LAMA3: variants seen among roughly 807,000 people sequenced by gnomAD.
LAMA3 encodes the protein laminin subunit alpha 3, also known as laminin subunit alpha-3.
Under a neutral mutation model 402.0 loss-of-function variants are expected in LAMA3, and 281 were observed. The ratio of observed to expected loss-of-function variants is 0.70; its 90% CI spans 0.63 to 0.77. The LOEUF is 0.77. Ranked by LOEUF, LAMA3 falls within the 30% of genes least tolerant of loss-of-function variation. The probability of loss-of-function intolerance (pLI) is 0.00; values close to 1 mark genes in which losing one functional copy is unlikely to be tolerated. For missense variants in LAMA3, 3,840 were observed against 4,215.5 expected (o/e 0.91, Z 2.47); for synonymous variants, 1,431 against 1,558.4 (o/e 0.92, Z 1.93).
chr18:23,785,494 CAT>C (rs906784209), intron 12 of LAMA3, among the ~76,000 whole-genome samples: 17 of 152,172 alleles, frequency 1.1e-4, no homozygotes, highest in Admixed American at 3.9e-4. Context: ...GTGCCTGTCT[CAT>C]AATTCATTGT....
chr18:23,921,594 A>AT lies in LAMA3; in HGVS notation c.8177+16dup, dbSNP rs1401247264. The AT allele has an allele frequency of 4.3e-6, 7 of 1,613,576 alleles. No individual in the cohort carries two copies. Among genetic ancestry groups the AT allele is most frequent in the Non-Finnish European group, 5.9e-6 (7 of 1,179,834 alleles). On this transcript the variant is annotated intron_variant, in intron 62 of 74. Coordinates refer to ENST00000313654, the MANE Select transcript of LAMA3 (RefSeq NM_198129.4). ...ATTGCAATCAGGGAAAGGTAAGATGATTTTTTTAAAACGAGATTTAAAGCC... is the reference window on the plus strand; with the variant it reads ...ATTGCAATCAGGGAAAGGTAAGATGATTTTTTTTAAAACGAGATTTAAAGCC...
chr18:23,802,607 A>G (rs1358376466), intron 12 of LAMA3, among the ~76,000 whole-genome samples: 1 of 152,222 alleles, frequency 6.6e-6, no homozygotes, highest in African/African-American at 2.4e-5. Flanking sequence ...GAAACCATGT[A>G]GCAGTCTTAA....
Position 23,943,780 on chromosome 18 carries a change from C to T in LAMA3, c.9027-8C>T. ...TCTATTTCCCTTCATCGCCGATGTT[C>T]CCAACAGGTCACAGTTTGCTGTGGA... On this transcript the variant is annotated splice_polypyrimidine_tract_variant and splice_region_variant and intron_variant, in intron 68 of 74. Transcript: ENST00000313654. 1 of 1,613,766 alleles carries T rather than the reference C, an allele frequency of 6.2e-7. No individual in the cohort carries two copies. Among genetic ancestry groups the T allele is most frequent in the South Asian group, 1.1e-5 (1 of 91,072 alleles).
At chr18:23,727,663 A>G (rs2061322847) in intron 2 of LAMA3, among the ~76,000 whole-genome samples, 1 of 152,004 alleles carries the variant, frequency 6.6e-6, no homozygotes, top group Non-Finnish European at 1.5e-5. Context: ...CAGTTCCTGG[A>G]CCAGCACTGG....
At chr18:23,774,179 C>A (rs965264002) in intron 9 of LAMA3, among the ~76,000 whole-genome samples, 1 of 152,132 alleles carries the variant, frequency 6.6e-6, no homozygotes, top group Non-Finnish European at 1.5e-5. Flanking sequence ...GCCAAGATCA[C>A]GCCACTGCAC....
intron 8 of LAMA3, among the ~76,000 whole-genome samples, chr18:23,765,218 C>G (rs1476151278): frequency 6.6e-6 from 1 of 152,122 alleles, no homozygotes. Flanking sequence ...CTCTGAGGAA[C>G]CAGAGAGCAG....
intron 62 of LAMA3, among the ~76,000 whole-genome samples, chr18:23,923,342 G>A (rs1354541299): frequency 2.0e-5 from 3 of 152,192 alleles, no homozygotes; most frequent in African/African-American, 4.8e-5. Context: ...GCTGGAGGCC[G>A]AGTATATTAA....
intron 60 of LAMA3, among the ~76,000 whole-genome samples, chr18:23,919,917 C>T (rs61548268): frequency 0.015 from 2,228 of 152,032 alleles, 52 homozygotes; most frequent in African/African-American, 0.052. Flanking sequence ...GCTGCAGGGA[C>T]TGGCTAAAAA....
chr18:23,739,747 GA>G (rs1224761981), intron 2 of LAMA3, among the ~76,000 whole-genome samples: 1 of 152,178 alleles, frequency 6.6e-6, no homozygotes, highest in Non-Finnish European at 1.5e-5. Flanking sequence ...ACATCATTTA[GA>G]ATCTAATTTA....
chr18:23,861,898 C>G, intron 35 of LAMA3, 91 bp downstream of exon 35: 1 of 1,366,656 alleles, frequency 7.3e-7, no homozygotes, highest in Non-Finnish European at 1.0e-6. Flanking sequence ...AAGGAAGCAT[C>G]CAGCAGTTCA....
At chr18:23,706,916 TA>T (rs1192594731) in intron 1 of LAMA3, among the ~76,000 whole-genome samples, 1 of 152,062 alleles carries the variant, frequency 6.6e-6, no homozygotes, top group Non-Finnish European at 1.5e-5. Context: ...CCGTCTCTAC[TA>T]AAAATACAAA....
chr18:23,816,435 C>A lies in LAMA3; in HGVS notation c.2095C>A (p.Pro699Thr). ...GGCATTGTCCTCCATGTGCAGTGGG[C>A]CCTCGGGAGTGTGCCAGTGCCGAGA... ...GGALSSMCSG[P>T]SGVCQCREHV... Residue 699 changes from proline to threonine, a missense_variant, in exon 18 of 75, where the codon CCC (proline) becomes ACC (threonine). Physicochemically the swap from Pro to Thr is conservative, Grantham distance 38 (BLOSUM62 -1). Transcript: ENST00000313654. 6.2e-7 allele frequency: 1 copy of A among 1,614,042 alleles called. No individual in the cohort carries two copies. The highest frequency in any genetic ancestry group is 8.5e-7 in the Non-Finnish European group (1 of 1,179,994).
intron 36 of LAMA3, among the ~76,000 whole-genome samples, chr18:23,866,126 C>T (rs1170446945): frequency 6.6e-6 from 1 of 152,224 alleles, no homozygotes; most frequent in Non-Finnish European, 1.5e-5. Context: ...TAACAACATC[C>T]ACACACTATG....
rs774342717 is a variant in LAMA3, at chr18:23,907,899, G to A, written c.6979G>A (p.Asp2327Asn). ...CACCTATGGGAGGACACAGAACGAA[G>A]ACTTCAAAAAGGCTCTGACTGATGC... The part of the protein sequence containing the change: ...KDTYGRTQNE[D>N]FKKALTDADN... Residue 2327 changes from aspartate (D) to asparagine (N), a missense_variant, in exon 54 of 75, where the codon GAC becomes AAC. Around this residue, in one of 3 missense-constraint regions of LAMA3, gnomAD observed 891 missense variants for 857.5 expected, o/e 1.04. Coordinates refer to ENST00000313654, the MANE Select transcript of LAMA3 (RefSeq NM_198129.4). 1.2e-6 allele frequency: 2 copies of A among 1,614,040 alleles called. No homozygotes were observed. The highest frequency in any genetic ancestry group is 2.2e-5 in the South Asian group (2 of 91,056).
chr18:23,720,812 G>C (rs2061197747), intron 2 of LAMA3, among the ~76,000 whole-genome samples: 1 of 152,114 alleles, frequency 6.6e-6, no homozygotes, highest in Non-Finnish European at 1.5e-5. Context: ...GTGCTTTGAA[G>C]TAATTTATAC....
chr18:23,921,126 A>C (rs1288983762), intron 61 of LAMA3, 72 bp downstream of exon 61: 4 of 1,462,874 alleles, frequency 2.7e-6, no homozygotes, highest in Non-Finnish European at 3.8e-6. Flanking sequence ...CAGTGCCCCC[A>C]AATAAATAAA....
rs781389248 is a variant in LAMA3 at position 23,904,595 on chromosome 18, T to C, written c.6516T>C (p.Ala2172=). 6.2e-7 allele frequency: 1 copy of C among 1,611,440 alleles called. No homozygotes were observed. Among genetic ancestry groups the C allele is most frequent in the Non-Finnish European group, 8.5e-7 (1 of 1,178,954 alleles). Residue 2172 remains alanine, a synonymous_variant, in exon 51 of 75, where the codon GCT becomes GCC. Coordinates refer to ENST00000313654, the MANE Select transcript of LAMA3 (RefSeq NM_198129.4). The part of the protein sequence containing the change: ...NASGDELVRC[A]VDAATAYENI... ...GCGGGGATGAGCTGGTGCGCTGTGC[T>C]GTGGATGCCGCCACCGCCTACGAGA...
Position 23,889,992 on chromosome 18 carries a change from C to T in LAMA3, c.5304-19C>T. ...ATGAGTTATTTGGGTGTTTCTCCTC[C>T]TCTCTATATTTTGTGTAGGTGTGCA... On this transcript the variant is annotated intron_variant, in intron 41 of 74. Coordinates refer to ENST00000313654, the MANE Select transcript of LAMA3 (RefSeq NM_198129.4). 6.4e-7 allele frequency: 1 copy of T among 1,574,256 alleles called. No homozygotes were observed. Among genetic ancestry groups the T allele is most frequent in the Non-Finnish European group, 8.7e-7 (1 of 1,144,002 alleles).
At chr18:23,700,989 C>T (rs746617959) in intron 1 of LAMA3, among the ~76,000 whole-genome samples, 1 of 152,172 alleles carries the variant, frequency 6.6e-6, no homozygotes, top group East Asian at 1.9e-4. Flanking sequence ...TGAGCCACCA[C>T]GCCCTGTCAT....
Sources: allele counts gnomAD v4.1 joint callset (sites outside exome capture counted in the v4.1 genomes callset), GRCh38; gene constraint gnomAD v4.1.1; regional missense constraint gnomAD v4.1.1; transcripts MANE v1.5; gene names NCBI Gene and HGNC (gene_info 2026-07-23, HGNC 2026-07-21).